XRCC4: variants seen among roughly 807,000 people sequenced by gnomAD.
XRCC4 encodes X-ray repair cross complementing 4.
Under a neutral mutation model 39.1 loss-of-function variants are expected in XRCC4, and 28 were observed. That is an observed-to-expected ratio of 0.72 (90% CI 0.53 to 0.98). The LOEUF is 0.98. XRCC4 is among the 50% of genes least tolerant of loss of function. The probability of loss-of-function intolerance (pLI) is 0.00; values close to 1 mark genes in which losing one functional copy is unlikely to be tolerated. For missense variants in XRCC4, 350 were observed against 376.4 expected, an observed-to-expected ratio of 0.93 and a Z score of 0.58; for synonymous variants, 123 against 126.4, an observed-to-expected ratio of 0.97 and a Z score of 0.18.
Position 83,176,732 on chromosome 5 carries a change from C to A in XRCC4, c.316-19038C>A, listed in dbSNP as rs528233812. 1.2e-3 allele frequency among the ~76,000 whole-genome samples: 175 copies of A among 152,000 alleles called. 4 individuals carry two copies. The South Asian group carries it at 0.036, about 31-fold the overall frequency. ...CCACTTTCAGCCTCAAGTGATACTCCCACCTCAGCCTTCTGAGTAGCTGGG... is the reference window on the plus strand; with the variant it reads ...CCACTTTCAGCCTCAAGTGATACTCACACCTCAGCCTTCTGAGTAGCTGGG... On this transcript the variant is annotated intron_variant, in intron 3 of 7. Coordinates refer to ENST00000396027, the MANE Select transcript of XRCC4 (RefSeq NM_003401.5).
At chr5:83,274,095 G>A (rs1754240132) in intron 7 of XRCC4, among the ~76,000 whole-genome samples, 1 of 152,178 alleles carries the variant, frequency 6.6e-6, no homozygotes, top group Non-Finnish European at 1.5e-5. Context: ...TTAAAGACAT[G>A]ACAATTATAT....
Position 83,284,052 on chromosome 5 carries a change from CAAAAAAAAAAAA to C in XRCC4, c.893+25390_893+25401del, listed in dbSNP as rs766161565. 1.1e-3 allele frequency among the ~76,000 whole-genome samples: 18 copies of C among 16,100 alleles called. 1 individual carries two copies. In the South Asian group the frequency reaches 0.016, roughly 14 times the overall value. The allele number at this position is 16,100 out of a possible 152,430, so 10.6% of individuals were successfully genotyped here. ...CCAAAAACCTTCTACCAACCCAGAG[CAAAAAAAAAAAA>C]AAAAAAAAAAAAAACGAATAATTCA... On this transcript the variant is annotated intron_variant, in intron 7 of 7. Coordinates refer to ENST00000396027, the MANE Select transcript of XRCC4 (RefSeq NM_003401.5).
chr5:83,320,800 T>C (rs1307803177), intron 7 of XRCC4, among the ~76,000 whole-genome samples: 1 of 150,808 alleles, frequency 6.6e-6, no homozygotes, highest in African/African-American at 2.5e-5. Context: ...AATTAAGTTA[T>C]GTACTTCTTT....
At chr5:83,262,914 A>G (rs571367560) in intron 7 of XRCC4, among the ~76,000 whole-genome samples, 3 of 144,512 alleles carry the variant, frequency 2.1e-5, no homozygotes, top group Non-Finnish European at 4.5e-5. Flanking sequence ...ACATATGTAT[A>G]CATGTGCCAT....
chr5:83,093,802 G>A (rs1290784093), intron 1 of XRCC4, among the ~76,000 whole-genome samples: 2 of 152,112 alleles, frequency 1.3e-5, no homozygotes, highest in African/African-American at 4.8e-5. Context: ...ATGGGATGTT[G>A]TAAAAGTTTT....
intron 4 of XRCC4, among the ~76,000 whole-genome samples, chr5:83,200,098 C>T (rs75509021): frequency 0.025 from 3,723 of 151,928 alleles, 149 homozygotes; most frequent in African/African-American, 0.084. Flanking sequence ...ACAGGAAGCA[C>T]GTAATGGAAT....
chr5:83,269,884 G>A (rs1754078577), intron 7 of XRCC4, among the ~76,000 whole-genome samples: 1 of 152,008 alleles, frequency 6.6e-6, no homozygotes, highest in Non-Finnish European at 1.5e-5. Flanking sequence ...GGGATGGTTT[G>A]GGGGTGATTC....
chr5:83,186,941 A>ATTTT (rs770811313), intron 3 of XRCC4, among the ~76,000 whole-genome samples: 7 of 87,492 alleles, frequency 8.0e-5, no homozygotes, highest in East Asian at 5.7e-4. Context: ...TGCTTCTTCC[A>ATTTT]TTTTTTTTTT....
At chr5:83,135,651 G>T (rs1747861309) in intron 3 of XRCC4, among the ~76,000 whole-genome samples, 1 of 151,894 alleles carries the variant, frequency 6.6e-6, no homozygotes, top group African/African-American at 2.4e-5. Context: ...TTTTGTTTTG[G>T]ATAGTTTCTA....
chr5:83,137,008 T>C (rs139872529), intron 3 of XRCC4, among the ~76,000 whole-genome samples: 62 of 152,302 alleles, frequency 4.1e-4, no homozygotes, highest in African/African-American at 1.2e-3. Context: ...AGCTTGATTG[T>C]GGTGATTATT....
At chr5:83,288,871 T>G (rs1440065938) in intron 7 of XRCC4, among the ~76,000 whole-genome samples, 2 of 151,928 alleles carry the variant, frequency 1.3e-5, no homozygotes. Flanking sequence ...AAATATTTTT[T>G]CTACTCTGTT....
At chr5:83,338,954 C>T (rs1756672641) in intron 7 of XRCC4, among the ~76,000 whole-genome samples, 1 of 151,876 alleles carries the variant, frequency 6.6e-6, no homozygotes, top group Non-Finnish European at 1.5e-5. Flanking sequence ...ATCATAATAC[C>T]ATACATATTA....
At chr5:83,131,682 C>A (rs1375288195) in intron 3 of XRCC4, among the ~76,000 whole-genome samples, 1 of 152,002 alleles carries the variant, frequency 6.6e-6, no homozygotes, top group Non-Finnish European at 1.5e-5. Context: ...TCTGTTTTAT[C>A]AGAGACTAGG....
chr5:83,291,870 A>G (rs894050006), intron 7 of XRCC4, among the ~76,000 whole-genome samples: 5 of 151,632 alleles, frequency 3.3e-5, no homozygotes, highest in Non-Finnish European at 1.5e-5. Flanking sequence ...TATAGTTCAG[A>G]TGGATGGATG....
chr5:83,230,104 T>C (rs7719540), intron 6 of XRCC4, among the ~76,000 whole-genome samples: 24,807 of 151,898 alleles, frequency 0.16, 4,255 homozygotes, highest in African/African-American at 0.44. Flanking sequence ...ATTTGCAGCA[T>C]GTTTGATTTG....
chr5:83,162,289 T>C (rs1749254000), intron 3 of XRCC4, among the ~76,000 whole-genome samples: 3 of 152,260 alleles, frequency 2.0e-5, no homozygotes, highest in Admixed American at 2.0e-4. Context: ...ACAGTGAAGA[T>C]GCTAATGCCC....
At chr5:83,292,015 C>T (rs985855943) in intron 7 of XRCC4, among the ~76,000 whole-genome samples, 21 of 147,814 alleles carry the variant, frequency 1.4e-4, no homozygotes, top group Non-Finnish European at 2.5e-4. Context: ...AAGTGTAGGA[C>T]TTGAGGACAT....
chr5:83,190,793 A>G (rs1750659449), intron 3 of XRCC4, among the ~76,000 whole-genome samples: 1 of 152,190 alleles, frequency 6.6e-6, no homozygotes, highest in Admixed American at 6.5e-5. Flanking sequence ...GTATATAACT[A>G]TACATTCTTT....
chr5:83,089,551 A>G (rs774007021), intron 1 of XRCC4, among the ~76,000 whole-genome samples: 42 of 152,148 alleles, frequency 2.8e-4, no homozygotes, highest in Non-Finnish European at 1.3e-4. Context: ...GTCAGATCCC[A>G]CAGGTTTGTG....
Sources: gnomAD v4.1 joint callset for allele counts (sites outside exome capture counted in the v4.1 genomes callset) on GRCh38, gnomAD v4.1.1 for gene constraint, MANE v1.5 for transcripts, NCBI Gene and HGNC (gene_info 2026-07-23, HGNC 2026-07-21) for gene names.